Variants in NLGN1 observed in about 807,000 individuals in gnomAD.
NLGN1 encodes the protein neuroligin 1.
In NLGN1, 12 loss-of-function variants were observed where a neutral mutation model predicts 65.5. The ratio of observed to expected loss-of-function variants is 0.18; its 90% CI spans 0.12 to 0.30. The LOEUF is 0.30. NLGN1 is among the 10% of genes least tolerant of loss of function. NLGN1 has a pLI of 1.00. For missense variants in NLGN1, 750 were observed against 1,007.1 expected (o/e 0.74, Z 3.46); for synonymous variants, 350 against 359.5 (o/e 0.97, Z 0.30).
chr3:173,757,461 A>G (rs948988289), intron 3 of NLGN1, among the ~76,000 whole-genome samples: 1 of 152,020 alleles, frequency 6.6e-6, no homozygotes, highest in African/African-American at 2.4e-5. Flanking sequence ...AAATTAAACC[A>G]TTTACTATGG....
At chr3:174,018,737 T>C (rs960151714) in intron 4 of NLGN1, among the ~76,000 whole-genome samples, 1 of 152,138 alleles carries the variant, frequency 6.6e-6, no homozygotes, top group African/African-American at 2.4e-5. Flanking sequence ...TTTCCCCACT[T>C]TTCCTTTTCC....
chr3:174,048,570 T>G (rs925954537), intron 4 of NLGN1, among the ~76,000 whole-genome samples: 3 of 151,624 alleles, frequency 2.0e-5, no homozygotes, highest in African/African-American at 7.3e-5. Context: ...TATCAAAGAT[T>G]AGAGATATGA....
intron 4 of NLGN1, among the ~76,000 whole-genome samples, chr3:174,142,196 T>C (rs1461575455): frequency 6.6e-6 from 1 of 152,238 alleles, no homozygotes; most frequent in Non-Finnish European, 1.5e-5. Flanking sequence ...GTTTAATAAC[T>C]GCCTTTTGAG....
At chr3:173,835,544 A>G (rs1425074369) in intron 4 of NLGN1, among the ~76,000 whole-genome samples, 1 of 149,230 alleles carries the variant, frequency 6.7e-6, no homozygotes, top group African/African-American at 2.5e-5. Flanking sequence ...ATGTTAGTAT[A>G]TGTAATATAT....
intron 4 of NLGN1, among the ~76,000 whole-genome samples, chr3:174,230,074 T>C (rs891743424): frequency 6.6e-6 from 1 of 152,158 alleles, no homozygotes; most frequent in African/African-American, 2.4e-5. Flanking sequence ...CAAGTGAAGG[T>C]CTCACAGGTC....
intron 4 of NLGN1, among the ~76,000 whole-genome samples, chr3:173,885,288 G>C (rs1473103297): frequency 6.6e-6 from 1 of 151,920 alleles, no homozygotes; most frequent in Admixed American, 6.6e-5. Flanking sequence ...TTCATATACA[G>C]TGTGCTGTTA....
At chr3:174,275,893 T>C (rs691179) in intron 5 of NLGN1, among the ~76,000 whole-genome samples, 72,709 of 151,656 alleles carry the variant, frequency 0.48, 17,964 homozygotes, top group East Asian at 0.68. Context: ...CATGCAGGGA[T>C]TGTATATAAT....
intron 4 of NLGN1, among the ~76,000 whole-genome samples, chr3:173,829,375 A>T (rs1237429821): frequency 6.6e-6 from 1 of 152,164 alleles, no homozygotes; most frequent in East Asian, 1.9e-4. Context: ...CCAAATATGC[A>T]TGACTTTCAG....
At chr3:174,108,347 A>T (rs1311069074) in intron 4 of NLGN1, among the ~76,000 whole-genome samples, 2 of 151,966 alleles carry the variant, frequency 1.3e-5, no homozygotes, top group Non-Finnish European at 2.9e-5. Flanking sequence ...CCCTTTCCTG[A>T]TCCTTTGACT....
chr3:173,629,352 A>G (rs988482951), intron 3 of NLGN1, among the ~76,000 whole-genome samples: 1 of 151,528 alleles, frequency 6.6e-6, no homozygotes, highest in African/African-American at 2.4e-5. Flanking sequence ...TCGGGCTCAA[A>G]CAATCCTCCA....
At chr3:173,665,939 G>A (rs1162058668) in intron 3 of NLGN1, among the ~76,000 whole-genome samples, 2 of 152,044 alleles carry the variant, frequency 1.3e-5, no homozygotes, top group Non-Finnish European at 2.9e-5. Context: ...CTTCCAAAAT[G>A]CATTTTCTTT....
intron 2 of NLGN1, among the ~76,000 whole-genome samples, chr3:173,554,786 G>A (rs895711724): frequency 4.6e-5 from 7 of 152,152 alleles, no homozygotes; most frequent in Admixed American, 2.6e-4. Flanking sequence ...TAGGGTAGAT[G>A]TGTAACTACA....
chr3:173,838,467 GA>G (rs1390199929), intron 4 of NLGN1, among the ~76,000 whole-genome samples: 3 of 152,012 alleles, frequency 2.0e-5, no homozygotes, highest in Admixed American at 6.5e-5. Flanking sequence ...ATTTTATCAA[GA>G]AAAAATTTGT....
chr3:173,933,994 G>A (rs1744604080), intron 4 of NLGN1, among the ~76,000 whole-genome samples: 1 of 151,702 alleles, frequency 6.6e-6, no homozygotes, highest in African/African-American at 2.4e-5. Context: ...AAGGAGAAAT[G>A]TTTCAACACC....
chr3:173,914,008 T>G (rs990900907), intron 4 of NLGN1, among the ~76,000 whole-genome samples: 1 of 152,176 alleles, frequency 6.6e-6, no homozygotes, highest in Non-Finnish European at 1.5e-5. Context: ...TCCAGTCTAG[T>G]GTGCTCGCAA....
At chr3:173,878,971 G>C (rs934410892) in intron 4 of NLGN1, among the ~76,000 whole-genome samples, 10 of 151,976 alleles carry the variant, frequency 6.6e-5, no homozygotes, top group African/African-American at 2.2e-4. Flanking sequence ...GTGACTTAAC[G>C]CCTGTAATCC....
intron 1 of NLGN1, among the ~76,000 whole-genome samples, chr3:173,421,356 A>G (rs2148696627): frequency 6.6e-6 from 1 of 152,102 alleles, no homozygotes; most frequent in East Asian, 1.9e-4. Context: ...ATTTTTTACA[A>G]ATAAGGATAT....
At chr3:173,542,433 T>C (rs1219121918) in intron 2 of NLGN1, among the ~76,000 whole-genome samples, 1 of 152,070 alleles carries the variant, frequency 6.6e-6, no homozygotes, top group Non-Finnish European at 1.5e-5. Context: ...TCCTCAAATA[T>C]TCACTAATCA....
intron 3 of NLGN1, among the ~76,000 whole-genome samples, chr3:173,695,280 TAC>T (rs1462643931): frequency 7.9e-5 from 12 of 152,208 alleles, no homozygotes; most frequent in Non-Finnish European, 1.5e-4. Flanking sequence ...ACATTATTAA[TAC>T]AGTCAGTCCC....
Sources: gnomAD v4.1 joint callset for allele counts (sites outside exome capture counted in the v4.1 genomes callset) on GRCh38, gnomAD v4.1.1 for gene constraint, MANE v1.5 for transcripts, NCBI Gene and HGNC (gene_info 2026-07-23, HGNC 2026-07-21) for gene names.